Variants in BLK observed in about 807,000 individuals in gnomAD.
BLK encodes BLK proto-oncogene, Src family tyrosine kinase, also known as tyrosine-protein kinase Blk.
A neutral mutation model predicts 61.8 loss-of-function variants in BLK; 64 were observed. The observed-to-expected ratio is 1.03, with a 90% CI of 0.85 to 1.27. The LOEUF is 1.27. Ranked by LOEUF, BLK falls within the 50% of genes most tolerant of loss-of-function variation. The probability of loss-of-function intolerance (pLI) is 0.00; values close to 1 mark genes in which losing one functional copy is unlikely to be tolerated. For synonymous variants in BLK, 351 were observed against 272.0 expected (o/e 1.29, Z -2.86); for missense variants, 853 against 660.5 (o/e 1.29, Z -3.19).
intron 10 of BLK, chr8:11,558,911 C>G (rs1424679866): frequency 2.2e-6 from 1 of 455,838 alleles, no homozygotes; most frequent in Admixed American, 2.4e-5. Flanking sequence ...CCCAGCCTTA[C>G]CCAGTAGCGC....
chr8:11,543,323 G>A lies in BLK; in HGVS notation c.99G>A (p.Lys33=), dbSNP rs143438845. ...CCCTGAAGGTCAGCGCCCAAGACAA[G>A]GACGCCCCGCCACTGCCGCCCCTGG... is the stretch of plus-strand genomic sequence containing the variant. The part of the protein sequence containing the change: ...WSPLKVSAQD[K]DAPPLPPLVV... Residue 33 remains lysine, a synonymous_variant, in exon 2 of 13, where the codon AAG becomes AAA. Transcript: ENST00000259089. The A allele has an allele frequency of 6.2e-7, 1 of 1,612,454 alleles. No individual in the cohort carries two copies. The highest frequency in any genetic ancestry group is 1.1e-5 in the South Asian group (1 of 91,064).
intron 1 of BLK, among the ~76,000 whole-genome samples, chr8:11,514,474 C>T (rs1799146454): frequency 6.6e-6 from 1 of 152,238 alleles, no homozygotes; most frequent in Admixed American, 6.5e-5. Flanking sequence ...TCTCAGAAGC[C>T]TTGTAAGAGC....
intron 11 of BLK, among the ~76,000 whole-genome samples, chr8:11,561,844 A>G (rs1470597781): frequency 4.1e-5 from 6 of 147,814 alleles, no homozygotes; most frequent in Admixed American, 2.0e-4. Flanking sequence ...TTTTTTTGAG[A>G]TGGAGTCTCT....
intron 1 of BLK, among the ~76,000 whole-genome samples, chr8:11,529,177 T>G (rs1053780229): frequency 6.6e-6 from 1 of 152,176 alleles, no homozygotes; most frequent in African/African-American, 2.4e-5. Context: ...GGGTTCACCT[T>G]GCCCGCTGCC....
chr8:11,561,686 C>T (rs1382453249), intron 11 of BLK, among the ~76,000 whole-genome samples: 3 of 152,176 alleles, frequency 2.0e-5, no homozygotes, highest in South Asian at 4.1e-4. Context: ...TTTGGAGAAA[C>T]AGCAGTCCAC....
At chr8:11,529,428 A>C (rs1799800375) in intron 1 of BLK, among the ~76,000 whole-genome samples, 1 of 151,970 alleles carries the variant, frequency 6.6e-6, no homozygotes, top group African/African-American at 2.4e-5. Context: ...GCGCTGAGTC[A>C]ATTCCTGGGT....
Position 11,539,971 on chromosome 8 carries a change from T to A in BLK, c.-1-3253T>A, listed in dbSNP as rs554512441. Among the ~76,000 whole-genome samples, 332 of 152,340 alleles carry A rather than the reference T, an allele frequency of 2.2e-3. 1 individual carries two copies. The highest frequency in any genetic ancestry group is 3.6e-3 in the Non-Finnish European group (243 of 68,026). ...TACACATTTATCTGATGCTTTGCAA[T>A]CTCTTACCCAATCTATTGCTTATCT... On this transcript the variant is annotated intron_variant, in intron 1 of 12. Transcript: ENST00000259089.
intron 1 of BLK, among the ~76,000 whole-genome samples, chr8:11,537,485 C>T (rs901887229): frequency 6.6e-6 from 1 of 152,132 alleles, no homozygotes; most frequent in African/African-American, 2.4e-5. Context: ...TACAAAATAG[C>T]AAAACTATTT....
At position 11,543,307 on chromosome 8, in the gene BLK, T is replaced by G. The variant is rs1273396525; in HGVS notation, c.83T>G (p.Val28Gly). ...AAGGGCCAATGGAGCCCCCTGAAGG[T>G]CAGCGCCCAAGACAAGGACGCCCCG... ...KDKGQWSPLK[V>G]SAQDKDAPPL... Residue 28 changes from valine to glycine, a missense_variant, in exon 2 of 13, where the codon GTC becomes GGC. Transcript: ENST00000259089. The G allele has an allele frequency of 6.2e-7, 1 of 1,613,540 alleles. No homozygotes were observed. Among genetic ancestry groups the G allele is most frequent in the African/African-American group, 1.3e-5 (1 of 74,974 alleles).
At chr8:11,543,415 G>A in intron 2 of BLK, 68 bp downstream of exon 2, 1 of 1,591,334 alleles carries the variant, frequency 6.3e-7, no homozygotes, top group Non-Finnish European at 8.5e-7. Flanking sequence ...GTCCAAGTTT[G>A]TAAAATGGGT....
chr8:11,538,685 T>G (rs1800237519), intron 1 of BLK, among the ~76,000 whole-genome samples: 1 of 152,164 alleles, frequency 6.6e-6, no homozygotes, highest in Admixed American at 6.5e-5. Context: ...CCTGGGCAGA[T>G]GCGGAAGTAT....
intron 1 of BLK, among the ~76,000 whole-genome samples, chr8:11,527,799 G>A (rs1226773145): frequency 6.6e-6 from 1 of 151,480 alleles, no homozygotes; most frequent in African/African-American, 2.4e-5. Context: ...AATCTCAAAA[G>A]ACCAATCTTA....
chr8:11,530,609 G>T (rs771222156), intron 1 of BLK, among the ~76,000 whole-genome samples: 1 of 152,178 alleles, frequency 6.6e-6, no homozygotes, highest in Non-Finnish European at 1.5e-5. Flanking sequence ...GGCAGGTAAA[G>T]AGAAAGAAAT....
At chr8:11,548,010 A>T in intron 3 of BLK, 22 bp from the exon 4 acceptor site, 1 of 1,608,704 alleles carries the variant, frequency 6.2e-7, no homozygotes, top group Non-Finnish European at 8.5e-7. Flanking sequence ...AGTGGTGGTC[A>T]TCTCTCCCTT....
intron 1 of BLK, among the ~76,000 whole-genome samples, chr8:11,522,339 T>C (rs966664298): frequency 7.2e-5 from 11 of 152,216 alleles, no homozygotes; most frequent in African/African-American, 2.4e-4. Context: ...ATTCCACTAG[T>C]AAAACTAATG....
chr8:11,530,611 G>T (rs986459524), intron 1 of BLK, among the ~76,000 whole-genome samples: 1 of 152,188 alleles, frequency 6.6e-6, no homozygotes, highest in African/African-American at 2.4e-5. Context: ...CAGGTAAAGA[G>T]AAAGAAATAT....
chr8:11,555,464 A>T lies in BLK; in HGVS notation c.752A>T (p.Gln251Leu), dbSNP rs1265101947. ...LRLVRKLGSG[Q>L]FGEVWMGYYK... ...CTGGTCAGGAAACTCGGGTCTGGAC[A>T]ATTCGGCGAAGTCTGGATGGGTGAG... Residue 251 changes from glutamine to leucine, a missense_variant, in exon 8 of 13, where the codon CAA (glutamine) becomes CTA (leucine). Transcript: ENST00000259089. 6.2e-7 allele frequency: 1 copy of T among 1,614,024 alleles called. No homozygotes were observed. The highest frequency in any genetic ancestry group is 1.3e-5 in the African/African-American group (1 of 74,904).
In BLK at chr8:11,497,038, C is replaced by T. The variant is rs187032430; in HGVS notation, c.-2+2447C>T. Among the ~76,000 whole-genome samples, 579 of 152,202 alleles carry T rather than the reference C, an allele frequency of 3.8e-3. 3 individuals are homozygous for T. The highest frequency in any genetic ancestry group is 0.015 in the South Asian group (72 of 4,814). Reference sequence around the variant, plus strand: ...TAACAGCAAGACAGAGAAACCTGGCCCCTCTTGCAGGCCCAGCAGAGCGGG... The same window carrying T: ...TAACAGCAAGACAGAGAAACCTGGCTCCTCTTGCAGGCCCAGCAGAGCGGG... On this transcript the variant is annotated intron_variant, in intron 1 of 12. Coordinates refer to ENST00000259089, the MANE Select transcript of BLK (RefSeq NM_001715.3).
chr8:11,557,620 G>C (rs75850395), intron 9 of BLK, among the ~76,000 whole-genome samples: 13 of 152,128 alleles, frequency 8.5e-5, no homozygotes, highest in Non-Finnish European at 1.8e-4. Flanking sequence ...AGGCCAACAC[G>C]GGGGGAAAGA....
Sources: gnomAD v4.1 joint callset for allele counts (sites outside exome capture counted in the v4.1 genomes callset) on GRCh38, gnomAD v4.1.1 for gene constraint, MANE v1.5 for transcripts, NCBI Gene and HGNC (gene_info 2026-07-23, HGNC 2026-07-21) for gene names.